ORC5: variants seen among roughly 807,000 people sequenced by gnomAD.
ORC5 encodes origin recognition complex subunit 5.
A neutral mutation model predicts 58.8 loss-of-function variants in ORC5; 39 were observed. That is an observed-to-expected ratio of 0.66 (90% CI 0.51 to 0.87). The LOEUF (loss-of-function observed/expected upper bound fraction) is 0.87. Ranked by LOEUF, ORC5 falls within the 40% of genes least tolerant of loss-of-function variation. The pLI is 0.00. For synonymous variants in ORC5, 218 were observed against 177.6 expected, an observed-to-expected ratio of 1.23 and a Z score of -1.81; for missense variants, 493 against 506.3, an observed-to-expected ratio of 0.97 and a Z score of 0.25.
At chr7:104,131,038 T>C (rs1018216858) in intron 13 of ORC5, among the ~76,000 whole-genome samples, 3 of 152,202 alleles carry the variant, frequency 2.0e-5, no homozygotes, top group African/African-American at 7.2e-5. Context: ...TGGATTGGTG[T>C]TGGAGAAGAT....
chr7:104,162,024 C>T (rs1799033759), intron 11 of ORC5, among the ~76,000 whole-genome samples: 1 of 151,852 alleles, frequency 6.6e-6, no homozygotes, highest in Non-Finnish European at 1.5e-5. Context: ...AAGCCAGCAG[C>T]CTAAAACAAT....
At chr7:104,150,497 TATC>T (rs1394176434) in intron 12 of ORC5, among the ~76,000 whole-genome samples, 2 of 150,804 alleles carry the variant, frequency 1.3e-5, no homozygotes, top group East Asian at 1.9e-4. Flanking sequence ...AATAGGCAAA[TATC>T]ATCAAAGCAG....
At chr7:104,200,568 T>C (rs181090287) in intron 3 of ORC5, among the ~76,000 whole-genome samples, 190 bp downstream of exon 3, 65 of 152,340 alleles carry the variant, frequency 4.3e-4, no homozygotes, top group Non-Finnish European at 1.5e-4. Context: ...GTCGTATGTA[T>C]GTGTCATACC....
chr7:104,196,658 A>G (rs189215396), intron 4 of ORC5, among the ~76,000 whole-genome samples: 70 of 152,316 alleles, frequency 4.6e-4, no homozygotes, highest in African/African-American at 1.5e-3. Context: ...AAATGCTTTA[A>G]GCACTTCTCC....
chr7:104,147,201 G>A (rs969249699), intron 12 of ORC5, among the ~76,000 whole-genome samples: 2 of 143,834 alleles, frequency 1.4e-5, no homozygotes, highest in African/African-American at 5.3e-5. Context: ...GATTAGTTAT[G>A]ACTTGGGGCT....
rs974086189 is a variant in ORC5 at position 104,195,241 on chromosome 7, A to C, written c.455T>G (p.Val152Gly). Residue 152 changes from valine to glycine, a missense_variant, in exon 5 of 14, where the codon GTG (valine) becomes GGG (glycine). Val to Gly is a moderately radical substitution (Grantham distance 109, BLOSUM62 -3). This residue lies in a region of ORC5 where 412 missense variants were observed against 403.7 expected (regional missense o/e 1.02). Coordinates refer to ENST00000297431, the MANE Select transcript of ORC5 (RefSeq NM_002553.4). ...AATTTCACTGAGAAAGAGAACAGTC[A>C]CATTTCTGTCAGCCTGTAAAAAGAA... ...LRLQELADRN[V>G]TVLFLSEIVW... 1.3e-6 allele frequency: 2 copies of C among 1,548,120 alleles called. No individual in the cohort carries two copies. The highest frequency in any genetic ancestry group is 1.7e-6 in the Non-Finnish European group (2 of 1,150,994).
At chr7:104,197,263 G>T (rs1799822168) in intron 4 of ORC5, among the ~76,000 whole-genome samples, 1 of 152,114 alleles carries the variant, frequency 6.6e-6, no homozygotes, top group Non-Finnish European at 1.5e-5. Flanking sequence ...TGTTAAGTGA[G>T]GACTTACTGT....
intron 13 of ORC5, among the ~76,000 whole-genome samples, chr7:104,131,550 CA>C (rs1798512218): frequency 6.6e-6 from 1 of 152,104 alleles, no homozygotes. Context: ...ACCCCTTCAG[CA>C]GTTATAATCC....
At chr7:104,150,187 C>T (rs1798821969) in intron 12 of ORC5, among the ~76,000 whole-genome samples, 1 of 152,136 alleles carries the variant, frequency 6.6e-6, no homozygotes, top group Admixed American at 6.5e-5. Flanking sequence ...CAATTTACAA[C>T]TGTAATTAAT....
intron 12 of ORC5, among the ~76,000 whole-genome samples, chr7:104,158,521 C>T (rs1798966793): frequency 6.6e-6 from 1 of 151,688 alleles, no homozygotes; most frequent in African/African-American, 2.4e-5. Flanking sequence ...AAACAAACTA[C>T]CATCAGAGTG....
intron 13 of ORC5, among the ~76,000 whole-genome samples, chr7:104,127,607 T>A (rs1318192761): frequency 6.6e-6 from 1 of 152,218 alleles, no homozygotes; most frequent in Non-Finnish European, 1.5e-5. Context: ...GCAATAAGTA[T>A]AAAATTAAAG....
At chr7:104,147,784 A>C (rs533244615) in intron 12 of ORC5, among the ~76,000 whole-genome samples, 1 of 152,384 alleles carries the variant, frequency 6.6e-6, no homozygotes, top group South Asian at 2.1e-4. Flanking sequence ...TGAACATATT[A>C]AAAACATTTA....
chr7:104,193,507 C>T (rs73415708), intron 5 of ORC5, among the ~76,000 whole-genome samples: 16,945 of 151,998 alleles, frequency 0.11, 1,671 homozygotes, highest in African/African-American at 0.27. Context: ...GACTTCCAAA[C>T]TGGGCTCCTA....
intron 12 of ORC5, among the ~76,000 whole-genome samples, chr7:104,137,453 T>C (rs1798608541): frequency 6.6e-6 from 1 of 151,882 alleles, no homozygotes; most frequent in Non-Finnish European, 1.5e-5. Flanking sequence ...AGTGCTCCAC[T>C]CCAAGTCTGA....
intron 12 of ORC5, among the ~76,000 whole-genome samples, chr7:104,150,414 T>C (rs532427758): frequency 1.3e-5 from 2 of 152,120 alleles, no homozygotes; most frequent in African/African-American, 4.8e-5. Context: ...TGACGGTTCA[T>C]GGCATATATT....
At chr7:104,167,706 T>C (rs377153417) in intron 9 of ORC5, among the ~76,000 whole-genome samples, 20 of 152,338 alleles carry the variant, frequency 1.3e-4, no homozygotes, top group African/African-American at 4.1e-4. Flanking sequence ...TACTTAAGCA[T>C]CACTTTGAAT....
intron 5 of ORC5, among the ~76,000 whole-genome samples, chr7:104,191,321 T>C (rs920210451): frequency 4.6e-5 from 7 of 151,942 alleles, no homozygotes; most frequent in Admixed American, 1.3e-4. Flanking sequence ...TGGATGGATG[T>C]AAGAAAAGAG....
At chr7:104,127,692 CTTAT>C (rs1330243272) in intron 13 of ORC5, among the ~76,000 whole-genome samples, 3 of 152,148 alleles carry the variant, frequency 2.0e-5, no homozygotes, top group Non-Finnish European at 4.4e-5. Context: ...ATTGCATGCT[CTTAT>C]TTATTAAACC....
chr7:104,168,224 G>C, intron 9 of ORC5: 2 of 1,009,768 alleles, frequency 2.0e-6, no homozygotes, highest in Non-Finnish European at 2.6e-6. Context: ...AATAGAAACT[G>C]CTTGATTTTC....
Sources: gnomAD v4.1 joint callset for allele counts (sites outside exome capture counted in the v4.1 genomes callset) on GRCh38, gnomAD v4.1.1 for gene constraint, gnomAD v4.1.1 regional missense constraint, MANE v1.5 for transcripts, NCBI Gene and HGNC (gene_info 2026-07-23, HGNC 2026-07-21) for gene names.